NCALD: variants seen among roughly 807,000 people sequenced by gnomAD.
The protein encoded by NCALD is neurocalcin-delta.
In NCALD, 10 loss-of-function variants were observed where a neutral mutation model predicts 18.6. The ratio of observed to expected loss-of-function variants is 0.54; its 90% CI spans 0.33 to 0.91. NCALD has a LOEUF of 0.91. Ranked by LOEUF, NCALD falls within the 40% of genes least tolerant of loss-of-function variation. The pLI is 0.03. For synonymous variants in NCALD, 88 were observed against 87.4 expected (o/e 1.01, Z -0.04); for missense variants, 184 against 247.6 (o/e 0.74, Z 1.72).
At chr8:101,936,966 G>A (rs1818786855) in intron 2 of NCALD, among the ~76,000 whole-genome samples, 1 of 152,008 alleles carries the variant, frequency 6.6e-6, no homozygotes, top group South Asian at 2.1e-4. Context: ...CAATCTTACT[G>A]ACTTAAAGTT....
chr8:101,766,275 T>C (rs1026282899), intron 1 of NCALD, among the ~76,000 whole-genome samples: 1 of 152,174 alleles, frequency 6.6e-6, no homozygotes, highest in African/African-American at 2.4e-5. Context: ...TTGGAAACAA[T>C]TGGCCTTCAT....
intron 1 of NCALD, among the ~76,000 whole-genome samples, chr8:101,775,797 G>GA (rs1400174813): frequency 6.6e-6 from 1 of 152,194 alleles, no homozygotes; most frequent in Non-Finnish European, 1.5e-5. Context: ...GGGCTGCTGA[G>GA]AACGTGTCCC....
At chr8:101,778,832 T>C (rs1811898763) in intron 1 of NCALD, among the ~76,000 whole-genome samples, 1 of 152,140 alleles carries the variant, frequency 6.6e-6, no homozygotes, top group Non-Finnish European at 1.5e-5. Context: ...AGAATATTTT[T>C]CTGGGCTGAA....
chr8:101,835,482 T>C (rs1814374400), intron 4 of NCALD, among the ~76,000 whole-genome samples: 2 of 152,342 alleles, frequency 1.3e-5, no homozygotes, highest in South Asian at 2.1e-4. Flanking sequence ...ACAGGACAAG[T>C]CCTCACAACC....
chr8:101,775,266 T>C (rs1217591733), intron 1 of NCALD, among the ~76,000 whole-genome samples: 1 of 152,174 alleles, frequency 6.6e-6, no homozygotes, highest in Non-Finnish European at 1.5e-5. Flanking sequence ...ATTCCAGCAC[T>C]ACTTGTTAAA....
chr8:101,913,847 G>A, intron 3 of NCALD, among the ~76,000 whole-genome samples: 1 of 152,190 alleles, frequency 6.6e-6, no homozygotes, highest in Middle Eastern at 3.2e-3. Flanking sequence ...CTCCCAAAGT[G>A]CTAGGATTAC....
chr8:102,112,094 T>A (rs1409307124), intron 1 of NCALD, among the ~76,000 whole-genome samples: 2 of 152,210 alleles, frequency 1.3e-5, no homozygotes, highest in Non-Finnish European at 1.5e-5. Flanking sequence ...ATTTATCTCT[T>A]TAGGAAATTC....
chr8:101,907,911 T>G (rs1817663673), intron 3 of NCALD, among the ~76,000 whole-genome samples: 1 of 152,194 alleles, frequency 6.6e-6, no homozygotes, highest in South Asian at 2.1e-4. Flanking sequence ...TACGTGCCTC[T>G]TTTATTGGGG....
upstream of NCALD, among the ~76,000 whole-genome samples, chr8:101,793,208 G>A (rs994659331): frequency 6.6e-6 from 1 of 151,972 alleles, no homozygotes; most frequent in African/African-American, 2.4e-5. Context: ...AAATTAGCCA[G>A]GCATGGTGGC....
At chr8:101,736,294 A>G (rs561953731) in intron 1 of NCALD, among the ~76,000 whole-genome samples, 2 of 152,264 alleles carry the variant, frequency 1.3e-5, no homozygotes, top group South Asian at 4.2e-4. Context: ...TGATATCTGA[A>G]CTAAATTTTG....
intron 4 of NCALD, among the ~76,000 whole-genome samples, chr8:101,886,097 AT>A (rs1402031086): frequency 2.0e-5 from 3 of 152,276 alleles, no homozygotes; most frequent in African/African-American, 7.2e-5. Flanking sequence ...AAAACATTAG[AT>A]TTTGTTTAAC....
chr8:102,120,478 G>A (rs989546466), intron 1 of NCALD, among the ~76,000 whole-genome samples: 2 of 152,156 alleles, frequency 1.3e-5, no homozygotes, highest in Non-Finnish European at 2.9e-5. Flanking sequence ...GACTATGTAA[G>A]GTCTGGAGCT....
chr8:102,099,093 G>A (rs778215828), intron 1 of NCALD, among the ~76,000 whole-genome samples: 6 of 152,210 alleles, frequency 3.9e-5, no homozygotes, highest in Non-Finnish European at 8.8e-5. Context: ...GAGAAAGACA[G>A]GTTCCTAACA....
chr8:101,947,107 CAGCACAATCCTGAAGACAA>C (rs573242573), intron 2 of NCALD, among the ~76,000 whole-genome samples: 34 of 152,306 alleles, frequency 2.2e-4, no homozygotes, highest in Admixed American at 5.9e-4. Context: ...ATGGCTTTAT[CAGCACAATCCTGAAGACAA>C]AGCACAATCA....
intron 1 of NCALD, among the ~76,000 whole-genome samples, chr8:102,050,316 T>C (rs1563574582): frequency 6.6e-6 from 1 of 151,968 alleles, no homozygotes; most frequent in African/African-American, 2.4e-5. Flanking sequence ...TTTCATTCTC[T>C]TAATAATCTC....
intron 2 of NCALD, among the ~76,000 whole-genome samples, chr8:101,917,863 G>T (rs1244672066): frequency 6.6e-6 from 1 of 152,002 alleles, no homozygotes; most frequent in Non-Finnish European, 1.5e-5. Flanking sequence ...AAAAACCTCA[G>T]GACTAGATGG....
At chr8:101,900,219 T>G (rs1308530586) in intron 3 of NCALD, among the ~76,000 whole-genome samples, 1 of 151,942 alleles carries the variant, frequency 6.6e-6, no homozygotes, top group Admixed American at 6.5e-5. Context: ...CCTTTGTAAT[T>G]CCAGATATTG....
intron 2 of NCALD, among the ~76,000 whole-genome samples, chr8:102,019,267 C>T (rs1176500927): frequency 6.6e-6 from 1 of 152,020 alleles, no homozygotes; most frequent in African/African-American, 2.4e-5. Flanking sequence ...CAGAAAACAC[C>T]TTGTTTTGGA....
intron 2 of NCALD, among the ~76,000 whole-genome samples, chr8:101,918,157 A>G (rs1444892253): frequency 2.6e-5 from 4 of 152,122 alleles, no homozygotes; most frequent in African/African-American, 7.2e-5. Context: ...CTTCATTCCT[A>G]AGGTGTAAGG....
Sources: allele counts gnomAD v4.1 joint callset (sites outside exome capture counted in the v4.1 genomes callset), GRCh38; gene constraint gnomAD v4.1.1; transcripts MANE v1.5; gene names NCBI Gene and HGNC (gene_info 2026-07-23, HGNC 2026-07-21).